Variants in YTHDF3 observed in about 807,000 individuals in gnomAD.
YTHDF3 encodes the protein YTH N6-methyladenosine RNA binding protein F3, also known as YTH domain-containing family protein 3.
In YTHDF3, 9 loss-of-function variants were observed where a neutral mutation model predicts 52.5. The ratio of observed to expected loss-of-function variants is 0.17; its 90% CI spans 0.10 to 0.30. YTHDF3 has a LOEUF of 0.30. Among genes scored for constraint, YTHDF3 ranks in the 10% least tolerant of loss-of-function variants. The pLI, the probability that YTHDF3 is intolerant of heterozygous loss-of-function variation, is 1.00. For missense variants in YTHDF3, 534 were observed against 715.0 expected, an observed-to-expected ratio of 0.75 and a Z score of 2.89; for synonymous variants, 274 against 243.3, an observed-to-expected ratio of 1.13 and a Z score of -1.18.
chr8:63,190,713 C>T (rs757752381), intron 4 of YTHDF3, among the ~76,000 whole-genome samples: 2 of 152,120 alleles, frequency 1.3e-5, no homozygotes, highest in Non-Finnish European at 2.9e-5. Context: ...ATCTCACTTC[C>T]GTTTTCTGTA....
intron 3 of YTHDF3, among the ~76,000 whole-genome samples, chr8:63,178,929 A>G (rs1238443355): frequency 2.0e-5 from 3 of 152,176 alleles, no homozygotes; most frequent in Non-Finnish European, 4.4e-5. Flanking sequence ...ACAACTATTT[A>G]ATTAGGTCCT....
intron 4 of YTHDF3, among the ~76,000 whole-genome samples, chr8:63,193,344 C>A (rs561926952): frequency 1.4e-4 from 21 of 146,994 alleles, no homozygotes; most frequent in Non-Finnish European, 2.4e-4. Context: ...CCACTCCACT[C>A]CAGCCTGGGT....
chr8:63,189,683 T>A (rs571364505), intron 4 of YTHDF3, among the ~76,000 whole-genome samples: 1 of 152,318 alleles, frequency 6.6e-6, no homozygotes, highest in South Asian at 2.1e-4. Context: ...TTAAGTCACA[T>A]AAGTGTTAAT....
Position 63,186,857 on chromosome 8 carries a change from A to G in YTHDF3, c.846A>G (p.Lys282=). The part of the protein sequence containing the change: ...HNMNIGTWDE[K]GSVVKAPPTQ... ...TGAATATTGGAACTTGGGATGAAAA[A>G]GGGTCAGTGGTAAAGGCTCCACCAA... is the stretch of plus-strand genomic sequence containing the variant. The change falls in exon 4 of 5, where the codon AAA becomes AAG. Residue 282 remains lysine (K), a synonymous_variant. Coordinates refer to ENST00000539294, the MANE Select transcript of YTHDF3 (RefSeq NM_152758.6). The G allele has an allele frequency of 6.2e-7, 1 of 1,613,986 alleles. No individual in the cohort carries two copies. The highest frequency in any genetic ancestry group is 1.1e-5 in the South Asian group (1 of 91,086).
At chr8:63,173,283 C>G (rs1807468631) in intron 2 of YTHDF3, among the ~76,000 whole-genome samples, 1 of 143,714 alleles carries the variant, frequency 7.0e-6, no homozygotes, top group African/African-American at 2.7e-5. Flanking sequence ...TCACTCTGTA[C>G]CCCAGGCTGG....
At chr8:63,207,643 C>T (rs777949248) in intron 4 of YTHDF3, among the ~76,000 whole-genome samples, 4 of 152,222 alleles carry the variant, frequency 2.6e-5, no homozygotes, top group Non-Finnish European at 5.9e-5. Flanking sequence ...ACAATTCAAA[C>T]TGAAACAGCA....
chr8:63,173,468 C>G (rs963055472), intron 2 of YTHDF3, among the ~76,000 whole-genome samples: 3 of 151,962 alleles, frequency 2.0e-5, no homozygotes, highest in Non-Finnish European at 4.4e-5. Flanking sequence ...TCTTGAGCTC[C>G]TGGCCTGGCA....
intron 4 of YTHDF3, among the ~76,000 whole-genome samples, chr8:63,204,361 GT>G (rs1205321648): frequency 0.023 from 2,847 of 124,812 alleles, 24 homozygotes; most frequent in Non-Finnish European, 0.036. Flanking sequence ...TGTGTTTGTT[GT>G]TTTTTTTTTT....
chr8:63,193,168 A>T (rs1236137133), intron 4 of YTHDF3, among the ~76,000 whole-genome samples: 1 of 152,072 alleles, frequency 6.6e-6, no homozygotes, highest in Non-Finnish European at 1.5e-5. Context: ...GCTTGAGGTC[A>T]GGTGTTTGAT....
chr8:63,169,353 T>C (rs1211258478), intron 1 of YTHDF3, 34 bp from the exon 2 acceptor site: 2 of 1,592,384 alleles, frequency 1.3e-6, no homozygotes, highest in African/African-American at 1.3e-5. Context: ...TTCCTTTTTC[T>C]CCTCTTTACC....
intron 2 of YTHDF3, among the ~76,000 whole-genome samples, chr8:63,171,460 A>G (rs1307874395): frequency 2.6e-5 from 4 of 152,146 alleles, no homozygotes; most frequent in Non-Finnish European, 5.9e-5. Flanking sequence ...AGGAGGGGAA[A>G]AATGCTACTG....
chr8:63,172,739 C>G (rs1807413230), intron 2 of YTHDF3: 4 of 1,230,282 alleles, frequency 3.3e-6, no homozygotes, highest in South Asian at 4.1e-5. Context: ...CTCCTAAGGC[C>G]CATGTTCTAT....
intron 3 of YTHDF3, 45 bp from the exon 4 acceptor site, chr8:63,186,102 T>C: frequency 6.6e-7 from 1 of 1,522,566 alleles, no homozygotes; most frequent in Non-Finnish European, 8.9e-7. Context: ...TTTTTGCTCT[T>C]TTAAGAGGAC....
At chr8:63,190,522 C>T (rs1312409440) in intron 4 of YTHDF3, among the ~76,000 whole-genome samples, 2 of 152,116 alleles carry the variant, frequency 1.3e-5, no homozygotes, top group Non-Finnish European at 2.9e-5. Context: ...TATCCTAAAG[C>T]CGCCTCCTTA....
At chr8:63,169,440 G>A (rs1483253376) in intron 2 of YTHDF3, 29 bp downstream of exon 2, 2 of 1,565,280 alleles carry the variant, frequency 1.3e-6, no homozygotes, top group Non-Finnish European at 1.7e-6. Flanking sequence ...TTTTCTTATT[G>A]CTCAATGTTG....
chr8:63,191,687 GA>G (rs1200527060), intron 4 of YTHDF3, among the ~76,000 whole-genome samples: 1 of 151,956 alleles, frequency 6.6e-6, no homozygotes, highest in African/African-American at 2.4e-5. Context: ...TCTCATTACT[GA>G]ACCACTGATT....
chr8:63,194,025 GTT>G (rs34053682), intron 4 of YTHDF3, among the ~76,000 whole-genome samples: 1 of 143,594 alleles, frequency 7.0e-6, no homozygotes, highest in Non-Finnish European at 1.5e-5. Flanking sequence ...GCAATCAATA[GTT>G]TTTTTTTTTT....
In YTHDF3 at chr8:63,209,657, G is replaced by T. The variant is rs1209712771; in HGVS notation, c.1735-26G>T. On this transcript the variant is annotated intron_variant, in intron 4 of 4. Transcript: ENST00000539294. Reference sequence around the variant, plus strand: ...AGAGTTTTTCATTGTAATTCTTTTTGTGTGTGTGTGTTTTTTTTTTTTCAG... The same window carrying T: ...AGAGTTTTTCATTGTAATTCTTTTTTTGTGTGTGTGTTTTTTTTTTTTCAG... The T allele has an allele frequency of 5.9e-6, 9 of 1,527,772 alleles. No homozygotes were observed. The Admixed American group carries it at 6.0e-5, about 10-fold the overall frequency. 94.6% of individuals were successfully genotyped at this position (1,527,772 alleles called of 1,614,324 possible).
rs563316341 is a variant in YTHDF3 at position 63,191,228 on chromosome 8, G to C, written c.1734+3483G>C. Among the ~76,000 whole-genome samples the C allele has an allele frequency of 2.6e-5, 4 of 152,188 alleles. No individual in the cohort carries two copies. In the South Asian group the frequency reaches 8.3e-4, roughly 32 times the overall value. ...TGAAAACGTGTACAATATGAATATT[G>C]TTTTCTGTAATCCTTTGTCTGCAGG... On this transcript the variant is annotated intron_variant, in intron 4 of 4. Coordinates refer to ENST00000539294, the MANE Select transcript of YTHDF3 (RefSeq NM_152758.6).
Sources: gnomAD v4.1 joint callset for allele counts (sites outside exome capture counted in the v4.1 genomes callset) on GRCh38, gnomAD v4.1.1 for gene constraint, MANE v1.5 for transcripts, NCBI Gene and HGNC (gene_info 2026-07-23, HGNC 2026-07-21) for gene names.